NR6A1: variants seen among roughly 807,000 people sequenced by gnomAD.
The protein encoded by NR6A1 is retinoic acid receptor-related testis-associated receptor.
In NR6A1, 7 loss-of-function variants were observed where a neutral mutation model predicts 59.1. The observed-to-expected ratio is 0.12, with a 90% CI of 0.07 to 0.22. The LOEUF is 0.22. Ranked by LOEUF, NR6A1 falls within the 10% of genes least tolerant of loss-of-function variation. The pLI, the probability that NR6A1 is intolerant of heterozygous loss-of-function variation, is 1.00. For missense variants in NR6A1, 468 were observed against 611.6 expected (o/e 0.77, Z 2.48); for synonymous variants, 243 against 236.1 (o/e 1.03, Z -0.27).
rs570597062 is a variant in NR6A1 at position 124,659,134 on chromosome 9, T to C, written c.142+74174A>G. On this transcript the variant is annotated intron_variant, in intron 2 of 9. Transcript: ENST00000487099. Reference sequence around the variant, plus strand: ...CTCTAGTTTTGTGTGGCCAAACACTTGTGCCGCCTGGGGCGGTGGGGGTAG... The same window carrying C: ...CTCTAGTTTTGTGTGGCCAAACACTCGTGCCGCCTGGGGCGGTGGGGGTAG... Among the ~76,000 whole-genome samples the C allele has an allele frequency of 6.0e-4, 91 of 152,312 alleles. 1 individual carries two copies. The South Asian group carries it at 0.018, about 31-fold the overall frequency.
intron 7 of NR6A1, 44 bp downstream of exon 7, chr9:124,535,834 T>C (rs372860280): frequency 7.3e-5 from 118 of 1,606,972 alleles, no homozygotes; most frequent in Admixed American, 3.3e-4. Flanking sequence ...GGGATGACAA[T>C]TGTTTGGTTG....
chr9:124,689,927 T>G (rs536076298), intron 2 of NR6A1, among the ~76,000 whole-genome samples: 1 of 152,204 alleles, frequency 6.6e-6, no homozygotes, highest in Non-Finnish European at 1.5e-5. Flanking sequence ...CCTAGTCAGA[T>G]AGTGGGCTCC....
At chr9:124,654,807 T>TAA (rs1837203925) in intron 2 of NR6A1, among the ~76,000 whole-genome samples, 1 of 151,912 alleles carries the variant, frequency 6.6e-6, no homozygotes, top group African/African-American at 2.4e-5. Flanking sequence ...GTAAGCTCCA[T>TAA]AAAAACCTTT....
At chr9:124,542,558 TCTAA>T in intron 4 of NR6A1, among the ~76,000 whole-genome samples, 1 of 152,292 alleles carries the variant, frequency 6.6e-6, no homozygotes, top group South Asian at 2.1e-4. Context: ...GTGAAAACCT[TCTAA>T]CTGCTTTCTC....
At chr9:124,723,144 G>A (rs761154364) in intron 2 of NR6A1, among the ~76,000 whole-genome samples, 3 of 151,834 alleles carry the variant, frequency 2.0e-5, no homozygotes, top group Non-Finnish European at 2.9e-5. Context: ...TTGATCATTA[G>A]AATATACTTT....
In NR6A1 at chr9:124,601,594, A is replaced by G. The variant is rs1019141428; in HGVS notation, c.143-47024T>C. Among the ~76,000 whole-genome samples the G allele has an allele frequency of 4.7e-5, 7 of 150,296 alleles. No individual in the cohort carries two copies. In the East Asian group the frequency reaches 1.2e-3, roughly 25 times the overall value. On this transcript the variant is annotated intron_variant, in intron 2 of 9. Coordinates refer to ENST00000487099, the MANE Select transcript of NR6A1 (RefSeq NM_033334.4). ...GGGAGACTCTGTGTCAAAAAAAAAA[A>G]AAAAAGAAAGAAAAAAGAAAAGAAA...
intron 1 of NR6A1, among the ~76,000 whole-genome samples, chr9:124,756,347 G>T (rs1840630021): frequency 6.6e-6 from 1 of 152,126 alleles, no homozygotes; most frequent in African/African-American, 2.4e-5. Flanking sequence ...ACCTATCTTG[G>T]CAAATTACAA....
chr9:124,736,990 T>C (rs1840037745), intron 1 of NR6A1, among the ~76,000 whole-genome samples: 1 of 152,218 alleles, frequency 6.6e-6, no homozygotes, highest in African/African-American at 2.4e-5. Flanking sequence ...AAAGTGTAGA[T>C]TATAGCAGAG....
chr9:124,739,187 CAAAAAAA>C (rs914049465), intron 1 of NR6A1, among the ~76,000 whole-genome samples: 2 of 80,476 alleles, frequency 2.5e-5, no homozygotes, highest in Non-Finnish European at 5.1e-5. Context: ...GACTCCATCT[CAAAAAAA>C]AAAAAAAAAT....
At chr9:124,554,999 T>C (rs1208994367) in intron 2 of NR6A1, among the ~76,000 whole-genome samples, 4 of 152,136 alleles carry the variant, frequency 2.6e-5, no homozygotes, top group African/African-American at 9.7e-5. Flanking sequence ...GCTAAGCCGG[T>C]CAGCCAGACA....
chr9:124,573,689 T>G (rs187696592), intron 2 of NR6A1, among the ~76,000 whole-genome samples: 19 of 152,324 alleles, frequency 1.2e-4, no homozygotes, highest in African/African-American at 3.6e-4. Flanking sequence ...TAGTGAAAAG[T>G]TGGGCAACCT....
chr9:124,762,701 C>A (rs553384618), intron 1 of NR6A1, among the ~76,000 whole-genome samples: 2 of 152,312 alleles, frequency 1.3e-5, no homozygotes, highest in African/African-American at 2.4e-5. Context: ...TTGAACAGAT[C>A]TCTTAGCTGT....
chr9:124,598,382 C>A (rs1366150894), intron 2 of NR6A1, among the ~76,000 whole-genome samples: 7 of 149,954 alleles, frequency 4.7e-5, no homozygotes. Context: ...GAAGAAAAAT[C>A]ATTTAAGATT....
chr9:124,598,787 G>T, intron 2 of NR6A1: 2 of 915,448 alleles, frequency 2.2e-6, no homozygotes, highest in South Asian at 2.6e-5. Flanking sequence ...CCACTTTTTC[G>T]GCATGATCGC....
chr9:124,598,759 G>C (rs1353661003), intron 2 of NR6A1: 7 of 914,716 alleles, frequency 7.7e-6, no homozygotes, highest in Non-Finnish European at 1.2e-5. Context: ...TTCACCGAAA[G>C]AGCTTCTAGC....
intron 2 of NR6A1, among the ~76,000 whole-genome samples, chr9:124,601,621 GA>G (rs926008497): frequency 5.0e-5 from 7 of 140,656 alleles, no homozygotes; most frequent in South Asian, 2.3e-4. Context: ...GAAAAGAAAA[GA>G]AAAAAAAAGA....
intron 1 of NR6A1, among the ~76,000 whole-genome samples, chr9:124,763,970 G>A (rs1400316383): frequency 1.3e-5 from 2 of 152,084 alleles, no homozygotes; most frequent in African/African-American, 2.4e-5. Flanking sequence ...GATCACTTGA[G>A]GTCAGGAGTT....
At chr9:124,648,782 C>T (rs1837010901) in intron 2 of NR6A1, among the ~76,000 whole-genome samples, 1 of 149,718 alleles carries the variant, frequency 6.7e-6, no homozygotes, top group Non-Finnish European at 1.5e-5. Context: ...ATACAAAAAT[C>T]GGTAGCATTT....
chr9:124,710,002 G>A (rs1839230875), intron 2 of NR6A1, among the ~76,000 whole-genome samples: 1 of 150,758 alleles, frequency 6.6e-6, no homozygotes, highest in African/African-American at 2.4e-5. Flanking sequence ...TTTTAAACTA[G>A]CTTGAGAGTG....
Sources: gnomAD v4.1 joint callset for allele counts (sites outside exome capture counted in the v4.1 genomes callset) on GRCh38, gnomAD v4.1.1 for gene constraint, MANE v1.5 for transcripts, NCBI Gene and HGNC (gene_info 2026-07-23, HGNC 2026-07-21) for gene names.